The following SAMD12 variants were observed in gnomAD, a reference collection of about 807,000 sequenced individuals.
SAMD12 encodes sterile alpha motif domain containing 12.
Under a neutral mutation model 15.0 loss-of-function variants are expected in SAMD12, and 9 were observed. The observed-to-expected ratio is 0.60, with a 90% CI of 0.36 to 1.05. The LOEUF is 1.05. Among genes scored for constraint, SAMD12 ranks in the 50% least tolerant of loss-of-function variants. The pLI is 0.01. For synonymous variants in SAMD12, 86 were observed against 90.1 expected (o/e 0.96, Z 0.25); for missense variants, 230 against 234.2 (o/e 0.98, Z 0.12).
intron 2 of SAMD12, among the ~76,000 whole-genome samples, chr8:118,566,779 A>G (rs111962905): frequency 1.2e-4 from 19 of 152,344 alleles, no homozygotes; most frequent in Middle Eastern, 3.4e-3. Context: ...ATCATTAGGT[A>G]TATATTTAGG....
At chr8:118,233,651 C>T (rs1253218454) in intron 4 of SAMD12, among the ~76,000 whole-genome samples, 1 of 152,164 alleles carries the variant, frequency 6.6e-6, no homozygotes, top group African/African-American at 2.4e-5. Context: ...AATGGCATCT[C>T]CTTGCCTTCT....
the SAMD12 span, among the ~76,000 whole-genome samples, chr8:118,154,073 C>A: frequency 1.3e-5 from 2 of 151,776 alleles, no homozygotes; most frequent in Admixed American, 6.6e-5. Flanking sequence ...AGCCAATTAC[C>A]TTTGGAAAGA....
chr8:118,232,937 T>C (rs941789254), intron 4 of SAMD12, among the ~76,000 whole-genome samples: 7 of 152,134 alleles, frequency 4.6e-5, no homozygotes, highest in Non-Finnish European at 7.4e-5. Flanking sequence ...ATATTGAAAC[T>C]CTGCCAGAAA....
chr8:118,360,555 C>G (rs986928831), intron 4 of SAMD12, among the ~76,000 whole-genome samples: 1 of 150,946 alleles, frequency 6.6e-6, no homozygotes, highest in African/African-American at 2.4e-5. Flanking sequence ...ACAAACAAAA[C>G]AAAACACAAA....
chr8:118,387,440 T>C (rs1820023497), intron 3 of SAMD12, among the ~76,000 whole-genome samples: 1 of 146,066 alleles, frequency 6.8e-6, no homozygotes, highest in African/African-American at 2.6e-5. Flanking sequence ...CCACTTCTTT[T>C]TACTCTTCCT....
downstream of SAMD12, among the ~76,000 whole-genome samples, chr8:118,375,026 C>T (rs1225942592): frequency 6.6e-6 from 1 of 152,016 alleles, no homozygotes; most frequent in African/African-American, 2.4e-5. Context: ...TAAGTATTGT[C>T]TATGGTTGGG....
chr8:118,492,186 T>A (rs1418912242), intron 2 of SAMD12, among the ~76,000 whole-genome samples: 1 of 151,734 alleles, frequency 6.6e-6, no homozygotes, highest in Non-Finnish European at 1.5e-5. Context: ...TTCATTGTGA[T>A]TCTGATTTGC....
intron 3 of SAMD12, among the ~76,000 whole-genome samples, chr8:118,380,034 G>A (rs918306688): frequency 2.6e-5 from 4 of 152,116 alleles, no homozygotes; most frequent in Non-Finnish European, 5.9e-5. Flanking sequence ...GGTTGCCATA[G>A]AAACAATGCT....
the SAMD12 span, among the ~76,000 whole-genome samples, chr8:118,159,493 T>C: frequency 6.6e-6 from 1 of 152,120 alleles, no homozygotes; most frequent in African/African-American, 2.4e-5. Flanking sequence ...CCTGCCAGGC[T>C]GAGTGAGCAG....
chr8:118,320,838 A>AT (rs779268963), intron 4 of SAMD12, among the ~76,000 whole-genome samples: 39 of 136,210 alleles, frequency 2.9e-4, no homozygotes, highest in Non-Finnish European at 4.0e-4. Context: ...TATATATATA[A>AT]AAATCTATAA....
At chr8:118,269,871 C>G (rs1813302779) in intron 4 of SAMD12, among the ~76,000 whole-genome samples, 1 of 152,148 alleles carries the variant, frequency 6.6e-6, no homozygotes, top group South Asian at 2.1e-4. Flanking sequence ...GATCTGGATC[C>G]AAGACTCATC....
At chr8:118,466,150 G>A (rs999849417) in intron 2 of SAMD12, among the ~76,000 whole-genome samples, 3 of 152,144 alleles carry the variant, frequency 2.0e-5, no homozygotes, top group African/African-American at 7.2e-5. Flanking sequence ...AACACTCACA[G>A]TTCAGGCATG....
intron 1 of SAMD12, among the ~76,000 whole-genome samples, chr8:118,616,831 C>A (rs1828250480): frequency 6.6e-6 from 1 of 152,220 alleles, no homozygotes; most frequent in South Asian, 2.1e-4. Context: ...CAAGCTCTAC[C>A]TCCTGTCAGA....
At chr8:118,621,656 G>T in intron 1 of SAMD12, 148 bp downstream of exon 1, 1 of 845,732 alleles carries the variant, frequency 1.2e-6, no homozygotes, top group South Asian at 1.5e-5. Flanking sequence ...GGCGGCGCAG[G>T]TGAGTGCCAA....
Position 118,378,892 on chromosome 8 carries a change from T to C in SAMD12, c.*525A>G. 2 of 963,400 alleles carry C rather than the reference T, an allele frequency of 2.1e-6. No homozygotes were observed. Among genetic ancestry groups the C allele is most frequent in the Non-Finnish European group, 2.5e-6 (2 of 809,722 alleles). 59.7% of individuals were successfully genotyped at this position (963,400 alleles called of 1,614,324 possible). A position where few individuals can be genotyped will look rare whatever the true frequency, so the allele number is the denominator to read the frequency against. ...GTGCTCTCATCATATTGAAGTTATT[T>C]ATAATTCCTGTTAAGAATTATATAC... is the stretch of plus-strand genomic sequence containing the variant. On this transcript the variant is annotated 3_prime_UTR_variant, in exon 4 of 4. Coordinates refer to ENST00000314727, the MANE Select transcript of SAMD12 (RefSeq NM_207506.3).
chr8:118,440,396 A>C (rs1232743034), intron 2 of SAMD12, among the ~76,000 whole-genome samples: 1 of 152,132 alleles, frequency 6.6e-6, no homozygotes, highest in Non-Finnish European at 1.5e-5. Context: ...AGTGCTAATA[A>C]TATTTTTAGG....
intron 4 of SAMD12, among the ~76,000 whole-genome samples, chr8:118,339,972 G>A (rs1563775813): frequency 6.6e-6 from 1 of 152,220 alleles, no homozygotes; most frequent in Non-Finnish European, 1.5e-5. Context: ...TCAATAGACT[G>A]TGAGCTCCTC....
intron 4 of SAMD12, among the ~76,000 whole-genome samples, chr8:118,305,243 CTTT>C (rs894359238): frequency 5.5e-5 from 8 of 146,424 alleles, no homozygotes; most frequent in African/African-American, 1.8e-4. Context: ...CTTTTCAGGA[CTTT>C]TTTATCCCAA....
chr8:118,456,387 T>G (rs1040520583), intron 2 of SAMD12, among the ~76,000 whole-genome samples: 1 of 152,174 alleles, frequency 6.6e-6, no homozygotes, highest in African/African-American at 2.4e-5. Flanking sequence ...CTATATCCCT[T>G]ATGGTGATCT....
Sources: allele counts gnomAD v4.1 joint callset (sites outside exome capture counted in the v4.1 genomes callset), GRCh38; gene constraint gnomAD v4.1.1; transcripts MANE v1.5; gene names NCBI Gene and HGNC (gene_info 2026-07-23, HGNC 2026-07-21).